The following ITIH5 variants were observed in gnomAD, a reference collection of about 807,000 sequenced individuals.
ITIH5 encodes the protein inter-alpha-trypsin inhibitor heavy chain H5.
In ITIH5, 65 loss-of-function variants were observed where a neutral mutation model predicts 77.5. That is an observed-to-expected ratio of 0.84 (90% confidence interval 0.69 to 1.03). ITIH5 has a LOEUF of 1.03. Among genes scored for constraint, ITIH5 ranks in the 50% least tolerant of loss-of-function variants. ITIH5 has a pLI of 0.00. For missense variants in ITIH5, 1,208 were observed against 1,213.1 expected (o/e 1.00, Z 0.06); for synonymous variants, 525 against 494.3 (o/e 1.06, Z -0.82).
intron 7 of ITIH5, among the ~76,000 whole-genome samples, chr10:7,595,756 C>A (rs1832882319): frequency 6.6e-6 from 1 of 152,142 alleles, no homozygotes; most frequent in African/African-American, 2.4e-5. Flanking sequence ...CGCCTGTAAT[C>A]ACAGCACTTT....
At chr10:7,589,328 C>A (rs1832746460) in intron 7 of ITIH5, among the ~76,000 whole-genome samples, 1 of 152,054 alleles carries the variant, frequency 6.6e-6, no homozygotes, top group Non-Finnish European at 1.5e-5. Context: ...GGCATGGTGG[C>A]ACGCGCCTGT....
rs71383916 is a variant in ITIH5 at position 7,560,964 on chromosome 10, ATTTTT to A, written c.*2114_*2118del. On this transcript the variant is annotated 3_prime_UTR_variant, in exon 14 of 14. Coordinates refer to ENST00000397146, the MANE Select transcript of ITIH5 (RefSeq NM_030569.7). ...TTTTCTGGACAACAGAAAATACTAT[ATTTTT>A]TTTTTATCAAATGCAAAGGTCCTAA... 2.7e-5 allele frequency: 4 copies of A among 148,640 alleles called. No homozygotes were observed. The highest frequency in any genetic ancestry group is 7.5e-5 in the African/African-American group (3 of 40,000). 9.2% of individuals were successfully genotyped at this position (148,640 alleles called of 1,614,324 possible).
At chr10:7,573,778 A>G (rs1588363052) in intron 10 of ITIH5, among the ~76,000 whole-genome samples, 1 of 152,100 alleles carries the variant, frequency 6.6e-6, no homozygotes, top group Non-Finnish European at 1.5e-5. Context: ...TTTAGATACT[A>G]TTCTTTTCTG....
At chr10:7,589,096 C>A (rs1381591813) in intron 7 of ITIH5, among the ~76,000 whole-genome samples, 1 of 152,238 alleles carries the variant, frequency 6.6e-6, no homozygotes, top group Admixed American at 6.5e-5. Flanking sequence ...GCTCTGTTTA[C>A]TTCTTTGTTT....
chr10:7,592,114 C>A (rs1313153643), intron 7 of ITIH5, among the ~76,000 whole-genome samples: 1 of 152,172 alleles, frequency 6.6e-6, no homozygotes. Context: ...GGTGATCTGC[C>A]CACCTTAGCC....
At chr10:7,601,834 C>G (rs1285080144) in intron 7 of ITIH5, among the ~76,000 whole-genome samples, 2 of 152,154 alleles carry the variant, frequency 1.3e-5, no homozygotes, top group African/African-American at 4.8e-5. Flanking sequence ...CCTACCAAAT[C>G]TGATACACTC....
At chr10:7,606,262 A>G (rs1360352271) in intron 7 of ITIH5, among the ~76,000 whole-genome samples, 2 of 152,234 alleles carry the variant, frequency 1.3e-5, no homozygotes, top group African/African-American at 4.8e-5. Context: ...GTATATACCC[A>G]AAGGAATAGA....
chr10:7,649,276 T>C (rs745853004), intron 2 of ITIH5, among the ~76,000 whole-genome samples: 11 of 152,050 alleles, frequency 7.2e-5, no homozygotes, highest in Non-Finnish European at 1.3e-4. Context: ...CCCCTTCTTC[T>C]TCTTATTCTT....
At chr10:7,579,662 G>A (rs1832498953) in intron 9 of ITIH5, 93 bp downstream of exon 9, 9 of 1,260,340 alleles carry the variant, frequency 7.1e-6, no homozygotes, top group Middle Eastern at 1.9e-4. Flanking sequence ...TGCAAGGCTG[G>A]GGTGCAGCAA....
intron 13 of ITIH5, among the ~76,000 whole-genome samples, chr10:7,564,074 G>A (rs1319122016): frequency 1.3e-5 from 2 of 152,260 alleles, no homozygotes; most frequent in East Asian, 1.9e-4. Flanking sequence ...CGGCCACGTG[G>A]GTGCCCCCCC....
chr10:7,644,529 TG>T (rs373639599), intron 2 of ITIH5, among the ~76,000 whole-genome samples: 5,885 of 117,450 alleles, frequency 0.05, 272 homozygotes, highest in South Asian at 0.068. Context: ...CACATATATA[TG>T]ATATATCACA....
At chr10:7,635,310 C>T (rs949828074) in intron 5 of ITIH5, among the ~76,000 whole-genome samples, 3 of 152,204 alleles carry the variant, frequency 2.0e-5, no homozygotes, top group Non-Finnish European at 4.4e-5. Context: ...CCTTTACATA[C>T]ATGAGCACTT....
At chr10:7,583,386 G>A (rs556670518) in intron 8 of ITIH5, among the ~76,000 whole-genome samples, 1 of 152,320 alleles carries the variant, frequency 6.6e-6, no homozygotes, top group South Asian at 2.1e-4. Flanking sequence ...GGGCTGGAGT[G>A]CAGTGGTGCG....
chr10:7,637,028 C>A (rs928802126), intron 5 of ITIH5, among the ~76,000 whole-genome samples, 200 bp downstream of exon 5: 4 of 151,860 alleles, frequency 2.6e-5, no homozygotes, highest in Admixed American at 2.6e-4. Flanking sequence ...TCTAGCCTGG[C>A]GACAGAGGAC....
At chr10:7,586,836 TTA>T (rs967683114) in intron 7 of ITIH5, among the ~76,000 whole-genome samples, 9 of 130,794 alleles carry the variant, frequency 6.9e-5, no homozygotes, top group Admixed American at 2.4e-4. Flanking sequence ...GGCATTCTTC[TTA>T]TTTTTTTTTT....
In ITIH5 at chr10:7,559,890, C is replaced by T. The variant is rs1832009714; in HGVS notation, c.*3193G>A. 1 of 452,666 alleles carries T rather than the reference C, an allele frequency of 2.2e-6. No individual in the cohort carries two copies. The highest frequency in any genetic ancestry group is 4.4e-6 in the Non-Finnish European group (1 of 226,316). 28.0% of individuals were successfully genotyped at this position (452,666 alleles called of 1,614,324 possible). On this transcript the variant is annotated 3_prime_UTR_variant, in exon 14 of 14. Coordinates refer to ENST00000397146, the MANE Select transcript of ITIH5 (RefSeq NM_030569.7). ...TTTTTTTGACGGAGTTTGGCTCTGT[C>T]ACTCCAGCTGGAGTGCAGTGGCGTG... is the stretch of plus-strand genomic sequence containing the variant.
chr10:7,653,456 C>T (rs75726268), intron 2 of ITIH5, among the ~76,000 whole-genome samples: 3,547 of 152,256 alleles, frequency 0.023, 141 homozygotes, highest in East Asian at 0.18. Flanking sequence ...GATTCACCCC[C>T]CTCAGCCTCC....
chr10:7,571,481 A>G (rs1009703292), intron 11 of ITIH5: 4 of 152,062 alleles, frequency 2.6e-5, no homozygotes, highest in African/African-American at 9.7e-5. Context: ...CAATGGTGCA[A>G]TCTCGGTTCA....
chr10:7,595,962 C>A lies in ITIH5; in HGVS notation c.940-9893G>T, dbSNP rs533381295. On this transcript the variant is annotated intron_variant, in intron 7 of 13. Transcript: ENST00000397146. Reference sequence around the variant, plus strand: ...GGCACAGGTTGCAGTGAGCCGAGATCACGCCACTGCATTCCAGCCTGGGCA... The same window carrying A: ...GGCACAGGTTGCAGTGAGCCGAGATAACGCCACTGCATTCCAGCCTGGGCA... Among the ~76,000 whole-genome samples, 235 of 152,298 alleles carry A rather than the reference C, an allele frequency of 1.5e-3. 1 individual carries two copies. The highest frequency in any genetic ancestry group is 4.8e-3 in the Admixed American group (74 of 15,304).
Sources: allele counts gnomAD v4.1 joint callset (sites outside exome capture counted in the v4.1 genomes callset), GRCh38; gene constraint gnomAD v4.1.1; transcripts MANE v1.5; gene names NCBI Gene and HGNC (gene_info 2026-07-23, HGNC 2026-07-21).